Variants in CADM2 observed in about 807,000 individuals in gnomAD.
CADM2 encodes the protein immunoglobulin superfamily member 4D.
CADM2 carries 12 observed loss-of-function variants against 49.8 expected under a neutral mutation model. The ratio of observed to expected loss-of-function variants is 0.24; its 90% CI spans 0.15 to 0.39. The LOEUF (loss-of-function observed/expected upper bound fraction) is 0.39, where lower values mean the gene tolerates loss of function less well. Among genes scored for constraint, CADM2 ranks in the 10% least tolerant of loss-of-function variants. CADM2 has a pLI of 1.00. For missense variants in CADM2, 378 were observed against 492.3 expected (o/e 0.77, Z 2.20); for synonymous variants, 214 against 175.4 (o/e 1.22, Z -1.74).
chr3:85,125,029 A>G (rs1053652158), intron 1 of CADM2, among the ~76,000 whole-genome samples: 11 of 152,228 alleles, frequency 7.2e-5, no homozygotes, highest in African/African-American at 2.7e-4. Context: ...CAGGGAGATC[A>G]GAGCCAAAAG....
chr3:85,725,955 C>A (rs1417831800), intron 1 of CADM2, among the ~76,000 whole-genome samples: 1 of 151,952 alleles, frequency 6.6e-6, no homozygotes, highest in Admixed American at 6.6e-5. Context: ...ATCTGCTTTC[C>A]AGATGTGTCA....
chr3:85,412,490 T>G (rs1241567081), intron 1 of CADM2, among the ~76,000 whole-genome samples: 4 of 151,810 alleles, frequency 2.6e-5, no homozygotes, highest in Non-Finnish European at 5.9e-5. Flanking sequence ...AGTTTGTATT[T>G]ATGCCAAAAC....
chr3:85,639,793 T>C (rs2064649715), intron 1 of CADM2, among the ~76,000 whole-genome samples: 1 of 152,120 alleles, frequency 6.6e-6, no homozygotes, highest in Non-Finnish European at 1.5e-5. Flanking sequence ...CCTGAATCAC[T>C]GGTATGGAAT....
At chr3:85,812,424 T>G (rs2072937922) in intron 3 of CADM2, among the ~76,000 whole-genome samples, 1 of 152,124 alleles carries the variant, frequency 6.6e-6, no homozygotes, top group African/African-American at 2.4e-5. Context: ...CGGGGCCTAA[T>G]TTCTTGGTGA....
chr3:85,849,598 TTC>T (rs2075014626), intron 3 of CADM2, among the ~76,000 whole-genome samples: 1 of 152,206 alleles, frequency 6.6e-6, no homozygotes. Context: ...TAAAACAGCT[TTC>T]TGTGTTATTT....
intron 1 of CADM2, among the ~76,000 whole-genome samples, chr3:85,301,906 G>T (rs914605611): frequency 2.0e-5 from 3 of 151,982 alleles, no homozygotes; most frequent in African/African-American, 7.2e-5. Context: ...TTTTTAAAAG[G>T]TTATATGTAG....
intron 5 of CADM2, among the ~76,000 whole-genome samples, chr3:85,902,003 T>A (rs890277047): frequency 6.6e-6 from 1 of 152,196 alleles, no homozygotes; most frequent in Non-Finnish European, 1.5e-5. Context: ...TGTATGCATA[T>A]TCCATATGTT....
At chr3:85,610,141 A>G (rs1439088562) in intron 1 of CADM2, among the ~76,000 whole-genome samples, 2 of 151,964 alleles carry the variant, frequency 1.3e-5, no homozygotes, top group African/African-American at 4.8e-5. Context: ...ATAAGGATCT[A>G]TCTATTTTAT....
chr3:85,582,176 A>G (rs1023363551), intron 1 of CADM2, among the ~76,000 whole-genome samples: 1 of 152,080 alleles, frequency 6.6e-6, no homozygotes, highest in African/African-American at 2.4e-5. Flanking sequence ...CGCCTGCCTC[A>G]GCCTCCCAAA....
At chr3:85,570,458 A>T (rs1357883595) in intron 1 of CADM2, among the ~76,000 whole-genome samples, 2 of 152,180 alleles carry the variant, frequency 1.3e-5, no homozygotes, top group Non-Finnish European at 2.9e-5. Context: ...GGGTCCACCA[A>T]TGCAAATTGT....
chr3:85,269,149 G>C (rs2043180849), intron 1 of CADM2, among the ~76,000 whole-genome samples: 1 of 151,132 alleles, frequency 6.6e-6, no homozygotes, highest in Non-Finnish European at 1.5e-5. Context: ...ACAAAATCTA[G>C]GGAAACATTT....
chr3:85,867,978 C>T (rs547037558), intron 3 of CADM2, among the ~76,000 whole-genome samples: 1 of 152,008 alleles, frequency 6.6e-6, no homozygotes, highest in African/African-American at 2.4e-5. Flanking sequence ...AGCTCTACAG[C>T]TTCAAATAGT....
intron 1 of CADM2, among the ~76,000 whole-genome samples, chr3:85,650,171 T>A (rs923140974): frequency 2.0e-5 from 3 of 152,160 alleles, no homozygotes; most frequent in African/African-American, 7.2e-5. Flanking sequence ...AGCCGGCAGC[T>A]CTTCTTCGCC....
intron 7 of CADM2, among the ~76,000 whole-genome samples, chr3:85,952,813 T>C (rs7432333): frequency 0.033 from 5,051 of 151,050 alleles, 284 homozygotes; most frequent in African/African-American, 0.12. Context: ...TTATCTGTCT[T>C]AAGAACTGTA....
At chr3:85,399,558 T>C (rs1030482944) in intron 1 of CADM2, among the ~76,000 whole-genome samples, 2 of 152,218 alleles carry the variant, frequency 1.3e-5, no homozygotes, top group Admixed American at 6.5e-5. Flanking sequence ...ATCTATAACA[T>C]ACCTTGGGCA....
chr3:85,663,572 A>C (rs1390899779), intron 1 of CADM2, among the ~76,000 whole-genome samples: 1 of 151,936 alleles, frequency 6.6e-6, no homozygotes, highest in Non-Finnish European at 1.5e-5. Context: ...TCTTGCTATT[A>C]CTAGCTGTGA....
chr3:85,048,274 T>A (rs2107393017), intron 1 of CADM2, among the ~76,000 whole-genome samples: 1 of 152,298 alleles, frequency 6.6e-6, no homozygotes, highest in South Asian at 2.1e-4. Flanking sequence ...TAAGAGTTAC[T>A]GGACAAAAGG....
intron 1 of CADM2, among the ~76,000 whole-genome samples, chr3:85,066,414 T>C (rs1205178253): frequency 6.6e-6 from 1 of 151,912 alleles, no homozygotes; most frequent in Admixed American, 6.6e-5. Context: ...TGCTATGATA[T>C]TCAGTCATAT....
chr3:85,272,012 G>T (rs768430157), intron 1 of CADM2, among the ~76,000 whole-genome samples: 5 of 150,972 alleles, frequency 3.3e-5, no homozygotes, highest in Non-Finnish European at 5.9e-5. Flanking sequence ...TCTAACATTT[G>T]AGAACTGCTG....
Sources: allele counts gnomAD v4.1 joint callset (sites outside exome capture counted in the v4.1 genomes callset), GRCh38; gene constraint gnomAD v4.1.1; transcripts MANE v1.5; gene names NCBI Gene and HGNC (gene_info 2026-07-23, HGNC 2026-07-21).